Variants in TLN2 observed in about 807,000 individuals in gnomAD.
The protein encoded by TLN2 is talin-2.
In TLN2, 118 loss-of-function variants were observed where a neutral mutation model predicts 294.7. That is an observed-to-expected ratio of 0.40 (90% confidence interval 0.34 to 0.47). TLN2 has a LOEUF of 0.47. TLN2 is among the 20% of genes least tolerant of loss of function. TLN2 has a pLI of 0.84. For missense variants in TLN2, 3,083 were observed against 3,282.2 expected (o/e 0.94, Z 1.48); for synonymous variants, 1,431 against 1,304.5 (o/e 1.10, Z -2.09).
intron 52 of TLN2, 60 bp from the exon 53 acceptor site, chr15:62,819,456 T>C: frequency 7.1e-7 from 1 of 1,410,152 alleles, no homozygotes; most frequent in Non-Finnish European, 1.0e-6. Flanking sequence ...GGAGTGTGCT[T>C]CTTTCCTGTC....
chr15:62,826,193 A>G lies in TLN2; in HGVS notation c.7002+5583A>G, dbSNP rs146752701. ...GTTATCTTTTGTCTGTGCTTTCTATATCGACATTCAAGGGCCCCTTAAACA... is the reference window on the plus strand; with the variant it reads ...GTTATCTTTTGTCTGTGCTTTCTATGTCGACATTCAAGGGCCCCTTAAACA... On this transcript the variant is annotated intron_variant, in intron 54 of 58. Transcript: ENST00000636159. Among the ~76,000 whole-genome samples the G allele has an allele frequency of 1.8e-4, 27 of 152,020 alleles. No homozygotes were observed. In the East Asian group the frequency reaches 4.8e-3, roughly 27 times the overall value.
intron 1 of TLN2, among the ~76,000 whole-genome samples, chr15:62,568,781 C>T (rs2043621176): frequency 6.6e-6 from 1 of 152,178 alleles, no homozygotes; most frequent in African/African-American, 2.4e-5. Context: ...CCTGAGCTCT[C>T]CTGCAGCTGC....
At chr15:62,721,322 G>A (rs1189498897) in intron 25 of TLN2, among the ~76,000 whole-genome samples, 1 of 152,038 alleles carries the variant, frequency 6.6e-6, no homozygotes, top group South Asian at 2.1e-4. Flanking sequence ...ATGAGATTGG[G>A]GATTCAACTT....
At chr15:62,556,938 TC>T (rs1464386139) in intron 1 of TLN2, among the ~76,000 whole-genome samples, 1 of 152,220 alleles carries the variant, frequency 6.6e-6, no homozygotes, top group African/African-American at 2.4e-5. Context: ...AATATTTAAG[TC>T]ATTTTTCATT....
chr15:62,821,695 A>C (rs1002265859), intron 54 of TLN2, among the ~76,000 whole-genome samples: 1 of 152,160 alleles, frequency 6.6e-6, no homozygotes, highest in Non-Finnish European at 1.5e-5. Flanking sequence ...ATGTAACTTA[A>C]GGATTTGGGC....
chr15:62,834,759 T>C (rs1334302530), intron 55 of TLN2: 1 of 151,426 alleles, frequency 6.6e-6, no homozygotes, highest in Non-Finnish European at 1.5e-5. Context: ...CATGTAAAGA[T>C]GACAGATGTG....
chr15:62,485,913 T>G (rs528781362), intron 1 of TLN2, among the ~76,000 whole-genome samples: 2 of 152,188 alleles, frequency 1.3e-5, no homozygotes, highest in Non-Finnish European at 2.9e-5. Flanking sequence ...TGCTTTGCTT[T>G]ATTTAACAGA....
chr15:62,754,931 C>G (rs979961447), intron 36 of TLN2: 1 of 152,224 alleles, frequency 6.6e-6, no homozygotes, highest in Non-Finnish European at 1.5e-5. Context: ...GATCTGGGCT[C>G]TACAGTATGG....
In TLN2 at chr15:62,717,594, G is replaced by T. The variant is rs776142002; in HGVS notation, c.2782G>T (p.Ala928Ser). Residue 928 changes from alanine to serine, a missense_variant, in exon 24 of 59, where the codon GCA (alanine) becomes TCA (serine). Physicochemically the swap from Ala to Ser is moderately conservative, Grantham distance 99. Transcript: ENST00000636159. ...TCTGCAGGTTGCAGCCAAGCAGGCC[G>T]CAGCGGCAGCCACACAGACCATCGC... ...NRLEVAAKQA[A>S]AAATQTIAAS... The T allele has an allele frequency of 9.5e-6, 15 of 1,581,630 alleles. No individual in the cohort carries two copies. The highest frequency in any genetic ancestry group is 1.3e-5 in the Non-Finnish European group (15 of 1,167,362).
Position 62,833,596 on chromosome 15 carries a change from A to C in TLN2, c.7095A>C (p.Ser2365=). 6.2e-7 allele frequency: 1 copy of C among 1,614,186 alleles called. No individual in the cohort carries two copies. The highest frequency in any genetic ancestry group is 8.5e-7 in the Non-Finnish European group (1 of 1,180,024). Residue 2365 remains serine, a synonymous_variant, in exon 55 of 59, where the codon TCA becomes TCC. Coordinates refer to ENST00000636159, the MANE Select transcript of TLN2 (RefSeq NM_015059.3). ...AATSALVKSA[S]AAQRELVAQG... ...CAAGCGCCCTGGTCAAATCGGCCTC[A>C]GCAGCCCAGAGGGAGCTGGTGGCCC...
At chr15:62,424,702 G>A (rs1437136115) in intron 1 of TLN2, among the ~76,000 whole-genome samples, 10 of 152,066 alleles carry the variant, frequency 6.6e-5, no homozygotes, top group Non-Finnish European at 1.5e-4. Flanking sequence ...ACCCAGGCTG[G>A]AGTCTAGTGG....
At chr15:62,458,119 C>G (rs184514287) in intron 1 of TLN2, among the ~76,000 whole-genome samples, 2 of 152,082 alleles carry the variant, frequency 1.3e-5, no homozygotes, top group Non-Finnish European at 2.9e-5. Flanking sequence ...AACGGTAGAG[C>G]CTTTATTGCT....
At chr15:62,640,130 G>A in intron 3 of TLN2, 1 of 454,752 alleles carries the variant, frequency 2.2e-6, no homozygotes, top group Non-Finnish European at 4.4e-6. Flanking sequence ...CTTCTGGGTG[G>A]CTGTGACCCA....
intron 1 of TLN2, among the ~76,000 whole-genome samples, chr15:62,477,895 G>A (rs1262358553): frequency 2.1e-5 from 3 of 144,214 alleles, no homozygotes; most frequent in African/African-American, 2.5e-5. Flanking sequence ...GGTGGTGGGG[G>A]GGATGGAGGG....
intron 47 of TLN2, 128 bp from the exon 48 acceptor site, chr15:62,797,090 TA>T: frequency 1.0e-6 from 1 of 991,748 alleles, no homozygotes; most frequent in Non-Finnish European, 1.5e-6. Flanking sequence ...AAGGGAGGTG[TA>T]ACACAGCACT....
intron 1 of TLN2, among the ~76,000 whole-genome samples, chr15:62,585,755 A>G (rs549257536): frequency 3.8e-4 from 58 of 152,280 alleles, no homozygotes; most frequent in African/African-American, 1.4e-3. Flanking sequence ...TTGCTTGGAT[A>G]GATCTTATCC....
At chr15:62,615,057 C>T (rs551070991) in intron 2 of TLN2, among the ~76,000 whole-genome samples, 8 of 152,238 alleles carry the variant, frequency 5.3e-5, no homozygotes, top group East Asian at 1.9e-4. Context: ...CCGCCTGCCT[C>T]GGCTTCCCAA....
rs548433333 is a variant in TLN2 at position 62,582,158 on chromosome 15, G to C, written c.-237-7529G>C. ...TGAAGTCCCAGGGAGAATGATCATA[G>C]AATCAGCCAGCCATAACTTCAGTGC... is the stretch of plus-strand genomic sequence containing the variant. On this transcript the variant is annotated intron_variant, in intron 1 of 58. Transcript: ENST00000636159. Among the ~76,000 whole-genome samples the C allele has an allele frequency of 3.1e-4, 45 of 143,722 alleles. 2 individuals are homozygous for C. In the South Asian group the frequency reaches 6.8e-3, roughly 22 times the overall value. The allele number at this position is 143,722 out of a possible 152,430, so 94.3% of individuals were successfully genotyped here.
intron 2 of TLN2, among the ~76,000 whole-genome samples, chr15:62,615,828 G>C (rs1331196035): frequency 6.6e-6 from 1 of 152,164 alleles, no homozygotes; most frequent in Non-Finnish European, 1.5e-5. Flanking sequence ...AAAATATGGT[G>C]CCTCTCTGGA....
Sources: allele counts gnomAD v4.1 joint callset (sites outside exome capture counted in the v4.1 genomes callset), GRCh38; gene constraint gnomAD v4.1.1; transcripts MANE v1.5; gene names NCBI Gene and HGNC (gene_info 2026-07-23, HGNC 2026-07-21).